The following COL5A1 variants were observed in gnomAD, a reference collection of about 807,000 sequenced individuals.
COL5A1 encodes the protein collagen alpha-1(V) chain.
Under a neutral mutation model 263.7 loss-of-function variants are expected in COL5A1, and 16 were observed. That is an observed-to-expected ratio of 0.06 (90% CI 0.04 to 0.09). The LOEUF is 0.09. COL5A1 is among the 10% of genes least tolerant of loss of function. The probability of loss-of-function intolerance (pLI) is 1.00; values close to 1 mark genes in which losing one functional copy is unlikely to be tolerated. For synonymous variants in COL5A1, 1,012 were observed against 1,004.5 expected (o/e 1.01, Z -0.14); for missense variants, 2,036 against 2,540.5 (o/e 0.80, Z 4.27).
At chr9:134,662,242 A>G (rs1034588192) in intron 1 of COL5A1, among the ~76,000 whole-genome samples, 2 of 151,880 alleles carry the variant, frequency 1.3e-5, no homozygotes, top group Non-Finnish European at 2.9e-5. Flanking sequence ...GCAGTCGTGT[A>G]CGCGGCCAGC....
rs73664144 is a variant in COL5A1 at position 134,796,356 on chromosome 9, C to T, written c.2800-18C>T. ...AATAACAATCATAAGCTTTTCCCCC[C>T]TCTCCTTCCCTCTCAAGGGCAACTC... On this transcript the variant is annotated intron_variant, in intron 34 of 65. Transcript: ENST00000371817. 1,062 of 1,613,658 alleles carry T rather than the reference C, an allele frequency of 6.6e-4. 5 individuals carry two copies. The highest frequency in any genetic ancestry group is 2.6e-4 in the Non-Finnish European group (306 of 1,179,566).
chr9:134,720,992 C>T (rs1834429076), intron 4 of COL5A1, among the ~76,000 whole-genome samples: 1 of 152,176 alleles, frequency 6.6e-6, no homozygotes, highest in African/African-American at 2.4e-5. Flanking sequence ...ATCCCAGTCC[C>T]CGCCAGACCC....
At chr9:134,697,548 T>C (rs977929367) in intron 2 of COL5A1, among the ~76,000 whole-genome samples, 9 of 151,594 alleles carry the variant, frequency 5.9e-5, no homozygotes, top group African/African-American at 2.2e-4. Flanking sequence ...GCAATGAGAG[T>C]GAGGGAGTGG....
chr9:134,713,907 C>T (rs1198685123), intron 4 of COL5A1, among the ~76,000 whole-genome samples: 1 of 152,076 alleles, frequency 6.6e-6, no homozygotes, highest in Non-Finnish European at 1.5e-5. Context: ...GGGATGAGAC[C>T]ACAGCAGACT....
chr9:134,828,866 CCACACAT>C (rs542457588), intron 63 of COL5A1, among the ~76,000 whole-genome samples: 199 of 146,734 alleles, frequency 1.4e-3, no homozygotes, highest in Admixed American at 2.4e-3. Flanking sequence ...TACACACACA[CCACACAT>C]CACACACAGA....
At chr9:134,759,403 A>C (rs1029514343) in intron 18 of COL5A1, among the ~76,000 whole-genome samples, 8 of 116,548 alleles carry the variant, frequency 6.9e-5, no homozygotes, top group Non-Finnish European at 1.4e-4. Context: ...ACGCATACAC[A>C]CCCACACACA....
rs189722430 is a variant in COL5A1 at position 134,839,818 on chromosome 9, G to A, written c.5371-2339G>A. Among the ~76,000 whole-genome samples, 648 of 152,314 alleles carry A rather than the reference G, an allele frequency of 4.3e-3. 3 individuals are homozygous for A. Among genetic ancestry groups the A allele is most frequent in the African/African-American group, 0.015 (604 of 41,572 alleles). On this transcript the variant is annotated intron_variant, in intron 65 of 65. Transcript: ENST00000371817. ...CATTGAATATCCTGTGTCCAGCCCCGCTGCCCACCTATCCTTCCCAGCCAC... is the reference window on the plus strand; with the variant it reads ...CATTGAATATCCTGTGTCCAGCCCCACTGCCCACCTATCCTTCCCAGCCAC...
intron 11 of COL5A1, among the ~76,000 whole-genome samples, chr9:134,745,853 C>T (rs1375156540): frequency 6.6e-6 from 1 of 152,128 alleles, no homozygotes; most frequent in African/African-American, 2.4e-5. Context: ...TCTTCCTCAC[C>T]TCTTCTGGCT....
chr9:134,710,579 T>G (rs1588459672), intron 4 of COL5A1, among the ~76,000 whole-genome samples: 1 of 13,928 alleles, frequency 7.2e-5, no homozygotes, highest in Non-Finnish European at 1.4e-4. Context: ...ATTTGTTGGG[T>G]GCAGTGGTGG....
chr9:134,753,771 T>G, intron 14 of COL5A1, 79 bp from the exon 15 acceptor site: 2 of 369,196 alleles, frequency 5.4e-6, no homozygotes, highest in Non-Finnish European at 1.0e-5. Flanking sequence ...CCCCTGCCCC[T>G]CCCCTGCCAC....
rs1183296999 is a variant in COL5A1 at position 134,652,686 on chromosome 9, A to T, written c.109+10390A>T. On this transcript the variant is annotated intron_variant, in intron 1 of 65. Coordinates refer to ENST00000371817, the MANE Select transcript of COL5A1 (RefSeq NM_000093.5). The surrounding 1 kb of genome is among the most constrained non-coding windows in gnomAD (Gnocchi z 4.4). ...AGGAATCGTGGGATAGAGGAAGCAA[A>T]GGTGAGATTCCGTGGCCTCACCCCA... 2 of 470,758 alleles carry T rather than the reference A, an allele frequency of 4.2e-6. No homozygotes were observed. The highest frequency in any genetic ancestry group is 4.0e-5 in the African/African-American group (2 of 50,076). The allele number at this position is 470,758 out of a possible 1,614,324, so 29.2% of individuals were successfully genotyped here.
intron 1 of COL5A1, among the ~76,000 whole-genome samples, chr9:134,670,864 G>A (rs1832519816): frequency 6.6e-6 from 1 of 152,194 alleles, no homozygotes; most frequent in South Asian, 2.1e-4. Context: ...CTGTGTGGGG[G>A]TTCTGCTGAC....
At chr9:134,792,707 G>A (rs1837739412) in intron 32 of COL5A1, among the ~76,000 whole-genome samples, 1 of 152,098 alleles carries the variant, frequency 6.6e-6, no homozygotes, top group Admixed American at 6.5e-5. Flanking sequence ...CGGCCAGATG[G>A]ATGCTTCTAG....
At chr9:134,664,470 A>C (rs1160979472) in intron 1 of COL5A1, among the ~76,000 whole-genome samples, 3 of 152,238 alleles carry the variant, frequency 2.0e-5, no homozygotes, top group African/African-American at 7.2e-5. Context: ...GTCGACCTGC[A>C]AGGAACTCCC....
At chr9:134,704,966 C>T (rs1179863996) in intron 4 of COL5A1, among the ~76,000 whole-genome samples, 2 of 152,186 alleles carry the variant, frequency 1.3e-5, no homozygotes, top group East Asian at 1.9e-4. Context: ...CCATCTCAGT[C>T]GCTTGGCTGC....
At chr9:134,658,387 C>T (rs879376613) in intron 1 of COL5A1, among the ~76,000 whole-genome samples, 37 of 152,162 alleles carry the variant, frequency 2.4e-4, no homozygotes, top group Admixed American at 7.2e-4. Flanking sequence ...TCTGGCTGCC[C>T]GGGTCTCCAG....
rs534624415 is a variant in COL5A1 at position 134,745,814 on chromosome 9, G to A, written c.1495-4728G>A. Reference sequence around the variant, plus strand: ...CTGAAATCAAGGTGTAGGCAGGGCCGCACCCCCTCTGGAGGCTCCAGGTGA... The same window carrying A: ...CTGAAATCAAGGTGTAGGCAGGGCCACACCCCCTCTGGAGGCTCCAGGTGA... On this transcript the variant is annotated intron_variant, in intron 11 of 65. Coordinates refer to ENST00000371817, the MANE Select transcript of COL5A1 (RefSeq NM_000093.5). Among the ~76,000 whole-genome samples the A allele has an allele frequency of 1.5e-4, 23 of 152,250 alleles. No homozygotes were observed. The South Asian group carries it at 4.1e-3, about 27-fold the overall frequency.
chr9:134,763,620 G>T, intron 19 of COL5A1, 73 bp from the exon 20 acceptor site: 1 of 1,469,068 alleles, frequency 6.8e-7, no homozygotes, highest in South Asian at 1.1e-5. Flanking sequence ...GAACCCTTGT[G>T]CACCACTGAG....
At chr9:134,811,635 G>A (rs1005365085) in intron 46 of COL5A1, 36 bp downstream of exon 46, 43 of 1,451,516 alleles carry the variant, frequency 3.0e-5, no homozygotes, top group Non-Finnish European at 3.4e-5. Flanking sequence ...GGGCTCCTCC[G>A]CTTCTGACGC....
Sources: gnomAD v4.1 joint callset for allele counts (sites outside exome capture counted in the v4.1 genomes callset) on GRCh38, gnomAD v4.1.1 for gene constraint, Gnocchi (gnomAD v3.1) non-coding constraint, MANE v1.5 for transcripts, NCBI Gene and HGNC (gene_info 2026-07-23, HGNC 2026-07-21) for gene names.